Variants in MCUB observed in about 807,000 individuals in gnomAD.
The protein encoded by MCUB is calcium uniporter regulatory subunit MCUb, mitochondrial.
In MCUB, 46 loss-of-function variants were observed where a neutral mutation model predicts 41.4. The ratio of observed to expected loss-of-function variants is 1.11; its 90% CI spans 0.88 to 1.42. The LOEUF is 1.42. MCUB is among the 40% of genes most tolerant of loss of function. The pLI, the probability that MCUB is intolerant of heterozygous loss-of-function variation, is 0.00. For missense variants in MCUB, 403 were observed against 404.9 expected, an observed-to-expected ratio of 1.00 and a Z score of 0.04; for synonymous variants, 148 against 148.2, an observed-to-expected ratio of 1.00 and a Z score of 0.01.
intron 1 of MCUB, among the ~76,000 whole-genome samples, chr4:109,633,130 A>G (rs1399795328): frequency 1.3e-5 from 2 of 152,236 alleles, no homozygotes; most frequent in Admixed American, 1.3e-4. Flanking sequence ...AATGAAATGT[A>G]TGACTATAAA....
At chr4:109,620,051 G>A (rs910684692) in intron 1 of MCUB, among the ~76,000 whole-genome samples, 13 of 152,150 alleles carry the variant, frequency 8.5e-5, no homozygotes, top group Admixed American at 7.2e-4. Context: ...TCATCAGATA[G>A]ATTCTGAGGC....
rs1045304251 is a variant in MCUB at position 109,580,816 on chromosome 4, G to T, written c.99+20380G>T. Among the ~76,000 whole-genome samples, 12 of 152,048 alleles carry T rather than the reference G, an allele frequency of 7.9e-5. No homozygotes were observed. The East Asian group carries it at 9.7e-4, about 12-fold the overall frequency. On this transcript the variant is annotated intron_variant, in intron 1 of 7. Coordinates refer to ENST00000394650, the MANE Select transcript of MCUB (RefSeq NM_017918.5). ...GGTACATTGTAAAAATTTTCTCCCA[G>T]TCTGTAGGTTGTCTGTTCACTCTGA...
chr4:109,627,844 T>C (rs1728394269), intron 1 of MCUB, among the ~76,000 whole-genome samples: 1 of 148,396 alleles, frequency 6.7e-6, no homozygotes, highest in South Asian at 2.1e-4. Context: ...ACCTGGGAGG[T>C]GGAGGTTGCA....
intron 1 of MCUB, among the ~76,000 whole-genome samples, chr4:109,642,364 A>G (rs1450030698): frequency 6.6e-6 from 1 of 152,206 alleles, no homozygotes; most frequent in African/African-American, 2.4e-5. Context: ...TCGTAGCACC[A>G]TATTATTTTC....
chr4:109,582,561 A>G (rs1213629193), intron 1 of MCUB, among the ~76,000 whole-genome samples: 3 of 858 alleles, frequency 3.5e-3, no homozygotes, highest in Non-Finnish European at 5.7e-3. Flanking sequence ...ACAGTTTAAC[A>G]AAAAAAAAAA....
At chr4:109,610,285 AC>A (rs1280898198) in intron 1 of MCUB, among the ~76,000 whole-genome samples, 3 of 152,176 alleles carry the variant, frequency 2.0e-5, no homozygotes, top group Admixed American at 6.5e-5. Context: ...CCGAACTGGT[AC>A]CTGATTTTTG....
intron 1 of MCUB, among the ~76,000 whole-genome samples, chr4:109,570,701 A>G (rs1257926192): frequency 2.0e-5 from 3 of 152,242 alleles, no homozygotes. Flanking sequence ...TACAGATGTT[A>G]TGCTAGAGGA....
At chr4:109,663,334 A>C (rs537319008) in intron 3 of MCUB, among the ~76,000 whole-genome samples, 11 of 152,378 alleles carry the variant, frequency 7.2e-5, no homozygotes, top group African/African-American at 2.6e-4. Flanking sequence ...CACCTGGATT[A>C]CATTAAAGTT....
intron 1 of MCUB, among the ~76,000 whole-genome samples, chr4:109,649,500 G>T (rs1314686627): frequency 1.3e-5 from 2 of 152,140 alleles, no homozygotes; most frequent in East Asian, 1.9e-4. Flanking sequence ...TGTTCAAAAT[G>T]GTAGGTTATC....
At chr4:109,615,044 T>C (rs1483049127) in intron 1 of MCUB, among the ~76,000 whole-genome samples, 3 of 152,188 alleles carry the variant, frequency 2.0e-5, no homozygotes, top group Admixed American at 1.3e-4. Flanking sequence ...AGAAGCATGA[T>C]AATTGGTTGA....
chr4:109,602,565 A>G (rs1036061238), intron 1 of MCUB, among the ~76,000 whole-genome samples: 8 of 152,158 alleles, frequency 5.3e-5, no homozygotes, highest in Admixed American at 5.2e-4. Flanking sequence ...CCATTGGTCT[A>G]TGTGTCTTTT....
intron 1 of MCUB, among the ~76,000 whole-genome samples, chr4:109,576,183 A>G (rs1237739901): frequency 5.9e-5 from 9 of 152,176 alleles, no homozygotes; most frequent in Admixed American, 3.3e-4. Context: ...GGACTTCCCA[A>G]CCTCAATATA....
intron 1 of MCUB, among the ~76,000 whole-genome samples, chr4:109,623,261 A>T (rs1190267810): frequency 2.6e-5 from 4 of 152,214 alleles, no homozygotes; most frequent in African/African-American, 9.6e-5. Flanking sequence ...ATTACTTGTC[A>T]TGTGGATGTA....
intron 1 of MCUB, among the ~76,000 whole-genome samples, chr4:109,640,688 C>T (rs559357300): frequency 2.0e-5 from 3 of 152,170 alleles, no homozygotes; most frequent in Non-Finnish European, 4.4e-5. Context: ...CTTGCTCTGG[C>T]TTAGGCTTTG....
chr4:109,685,957 T>G lies in MCUB; in HGVS notation c.933+590T>G, dbSNP rs562877491. Among the ~76,000 whole-genome samples the G allele has an allele frequency of 3.9e-5, 6 of 152,318 alleles. No individual in the cohort carries two copies. The South Asian group carries it at 1.2e-3, about 32-fold the overall frequency. On this transcript the variant is annotated intron_variant, in intron 7 of 7. Transcript: ENST00000394650. ...GGTGACTTCTCAGCACATCACTGGA[T>G]TTTTCATTTTTATCAGTAATTTCAT...
rs182648892 is a variant in MCUB at position 109,678,516 on chromosome 4, G to A, written c.452-4066G>A. On this transcript the variant is annotated intron_variant, in intron 4 of 7. Coordinates refer to ENST00000394650, the MANE Select transcript of MCUB (RefSeq NM_017918.5). ...GCGCTCCCCATTTCCCAGATGGGGC[G>A]GTGGCCGGGCAGAGGCGCTCCTCAC... 3.9e-3 allele frequency among the ~76,000 whole-genome samples: 575 copies of A among 147,404 alleles called. 6 individuals are homozygous for A. Among genetic ancestry groups the A allele is most frequent in the African/African-American group, 0.014 (554 of 39,146 alleles).
chr4:109,566,479 A>AAAAT (rs1292778458), intron 1 of MCUB, among the ~76,000 whole-genome samples: 14 of 143,500 alleles, frequency 9.8e-5, no homozygotes, highest in African/African-American at 3.6e-4. Flanking sequence ...CAAAAAAAAA[A>AAAAT]AAATAAATAA....
chr4:109,649,922 A>G (rs899158958), intron 1 of MCUB, among the ~76,000 whole-genome samples: 1 of 152,096 alleles, frequency 6.6e-6, no homozygotes, highest in Non-Finnish European at 1.5e-5. Context: ...GAGAATCCTT[A>G]GATTTGAGAA....
chr4:109,585,148 A>G (rs2126127475), intron 1 of MCUB, among the ~76,000 whole-genome samples: 1 of 152,298 alleles, frequency 6.6e-6, no homozygotes, highest in East Asian at 1.9e-4. Flanking sequence ...GGGTGCATAT[A>G]TATTTAGGAT....
Sources: allele counts gnomAD v4.1 joint callset (sites outside exome capture counted in the v4.1 genomes callset), GRCh38; gene constraint gnomAD v4.1.1; transcripts MANE v1.5; gene names NCBI Gene and HGNC (gene_info 2026-07-23, HGNC 2026-07-21).